DYRK1A: variants seen among roughly 807,000 people sequenced by gnomAD.
The protein encoded by DYRK1A is dual specificity tyrosine phosphorylation regulated kinase 1A.
DYRK1A carries 9 observed loss-of-function variants against 79.7 expected under a neutral mutation model. That is an observed-to-expected ratio of 0.11 (90% CI 0.07 to 0.20). DYRK1A has a LOEUF of 0.20. Ranked by LOEUF, DYRK1A falls within the 10% of genes least tolerant of loss-of-function variation. The pLI is 1.00. For synonymous variants in DYRK1A, 349 were observed against 329.7 expected (o/e 1.06, Z -0.63); for missense variants, 622 against 956.0 (o/e 0.65, Z 4.61).
intron 2 of DYRK1A, among the ~76,000 whole-genome samples, chr21:37,452,178 G>A (rs905479056): frequency 2.6e-5 from 4 of 151,504 alleles, no homozygotes; most frequent in African/African-American, 9.7e-5. Flanking sequence ...AACTTTGACA[G>A]CAGTAGGGGG....
chr21:37,488,805 A>T, intron 6 of DYRK1A: 2 of 985,318 alleles, frequency 2.0e-6, no homozygotes, highest in South Asian at 9.4e-5. Context: ...TTTTGCATTC[A>T]TTTAGTGGCA....
chr21:37,394,861 A>G (rs759037274), intron 1 of DYRK1A, among the ~76,000 whole-genome samples: 3 of 152,200 alleles, frequency 2.0e-5, no homozygotes, highest in Non-Finnish European at 4.4e-5. Context: ...CTGAATATGT[A>G]CTTGTGAAAT....
chr21:37,402,424 G>T (rs1266625196), intron 1 of DYRK1A, among the ~76,000 whole-genome samples: 3 of 152,218 alleles, frequency 2.0e-5, no homozygotes, highest in East Asian at 3.9e-4. Flanking sequence ...CACTTTAATG[G>T]TGTTCCATTG....
chr21:37,442,974 C>T (rs79584092), intron 2 of DYRK1A, among the ~76,000 whole-genome samples: 1,692 of 152,036 alleles, frequency 0.011, 29 homozygotes, highest in East Asian at 0.081. Context: ...GTAGCTGGGA[C>T]CTACAGGCAT....
chr21:37,406,184 C>T (rs1408604536), intron 1 of DYRK1A, among the ~76,000 whole-genome samples: 1 of 152,170 alleles, frequency 6.6e-6, no homozygotes, highest in Non-Finnish European at 1.5e-5. Context: ...TAACTTATCT[C>T]TGGCATACCG....
At chr21:37,472,292 GA>G (rs1317211247) in intron 2 of DYRK1A, among the ~76,000 whole-genome samples, 2 of 152,230 alleles carry the variant, frequency 1.3e-5, no homozygotes, top group Non-Finnish European at 2.9e-5. Flanking sequence ...TAGCATCTCA[GA>G]AATGTTCCTT....
At chr21:37,403,687 G>A (rs1314846366) in intron 1 of DYRK1A, among the ~76,000 whole-genome samples, 1 of 149,340 alleles carries the variant, frequency 6.7e-6, no homozygotes. Context: ...GTGTGTGTGT[G>A]TGTGTGTGTG....
intron 1 of DYRK1A, among the ~76,000 whole-genome samples, chr21:37,416,521 C>A (rs1285808513): frequency 6.6e-6 from 1 of 151,424 alleles, no homozygotes; most frequent in Non-Finnish European, 1.5e-5. Flanking sequence ...TTCTATTTTC[C>A]CTTTGACTCC....
intron 1 of DYRK1A, among the ~76,000 whole-genome samples, chr21:37,406,743 A>ATATCTCTG (rs2050152802): frequency 6.7e-6 from 1 of 148,328 alleles, no homozygotes; most frequent in South Asian, 2.1e-4. Flanking sequence ...ATATCTCTAT[A>ATATCTCTG]TATCTCTATA....
chr21:37,492,589 T>C (rs1297910461), intron 7 of DYRK1A, among the ~76,000 whole-genome samples: 5 of 152,220 alleles, frequency 3.3e-5, no homozygotes, highest in African/African-American at 4.8e-5. Flanking sequence ...TTACTTGACT[T>C]TTAACGCTGA....
chr21:37,387,560 CTCAA>C (rs1430142075), intron 1 of DYRK1A, among the ~76,000 whole-genome samples: 4 of 152,142 alleles, frequency 2.6e-5, no homozygotes, highest in African/African-American at 9.7e-5. Context: ...CTTATAGAGC[CTCAA>C]TCAAACTGCT....
intron 1 of DYRK1A, among the ~76,000 whole-genome samples, chr21:37,391,802 G>A (rs1196081516): frequency 1.3e-5 from 2 of 152,098 alleles, no homozygotes; most frequent in African/African-American, 2.4e-5. Context: ...TTTCCCACTC[G>A]TGTTAGGCTC....
intron 2 of DYRK1A, among the ~76,000 whole-genome samples, chr21:37,425,386 A>G (rs2050590334): frequency 6.6e-6 from 1 of 152,096 alleles, no homozygotes; most frequent in African/African-American, 2.4e-5. Flanking sequence ...ATTGCTTTTT[A>G]TGTTTCATAG....
intron 1 of DYRK1A, among the ~76,000 whole-genome samples, chr21:37,378,805 C>T (rs750874688): frequency 7.2e-5 from 11 of 152,056 alleles, no homozygotes; most frequent in East Asian, 1.9e-4. Flanking sequence ...AGACCATGGC[C>T]GTTAACAGTT....
rs962373797 is a variant in DYRK1A, at chr21:37,520,828, C to A, written c.*8297C>A. The stretch of plus-strand genomic sequence containing the variant: ...CCAGCAGGGGCTCCAGCGCTCACCG[C>A]TGGGTGAGATCTACAGGGCTCAGTG... On this transcript the variant is annotated 3_prime_UTR_variant, in exon 12 of 12. Transcript: ENST00000647188. The A allele has an allele frequency of 6.6e-6, 1 of 152,234 alleles. No homozygotes were observed. The highest frequency in any genetic ancestry group is 2.4e-5 in the African/African-American group (1 of 41,452). The allele number at this position is 152,234 out of a possible 1,614,324, so 9.4% of individuals were successfully genotyped here.
chr21:37,373,946 T>A (rs772974704), intron 1 of DYRK1A, among the ~76,000 whole-genome samples: 2 of 152,208 alleles, frequency 1.3e-5, no homozygotes, highest in Non-Finnish European at 2.9e-5. Flanking sequence ...ATAAGTTTAT[T>A]TTCTGTATTT....
chr21:37,407,146 G>T (rs1051139692), intron 1 of DYRK1A, among the ~76,000 whole-genome samples: 2 of 152,032 alleles, frequency 1.3e-5, no homozygotes, highest in Admixed American at 1.3e-4. Flanking sequence ...AATTCGAAGT[G>T]TTTGGGAGTA....
chr21:37,522,100 A>T lies in DYRK1A; in HGVS notation c.*9569A>T, dbSNP rs28550863. 6.6e-6 allele frequency: 1 copy of T among 152,164 alleles called. No homozygotes were observed. Among genetic ancestry groups the T allele is most frequent in the African/African-American group, 2.4e-5 (1 of 41,444 alleles). 9.4% of individuals were successfully genotyped at this position (152,164 alleles called of 1,614,324 possible). A position where few individuals can be genotyped will look rare whatever the true frequency, so the allele number is the denominator to read the frequency against. On this transcript the variant is annotated 3_prime_UTR_variant, in exon 12 of 12. Transcript: ENST00000647188. ...AATCTTGTATGTTCTAAAAATTAAC[A>T]TCATTGCAGCTTCCTCAGCCCTAGG...
At chr21:37,365,725 A>C (rs903530537), upstream of DYRK1A, 2 of 152,260 alleles carry the variant, frequency 1.3e-5, no homozygotes, top group Non-Finnish European at 2.9e-5. Context: ...GAAACCGAGA[A>C]GGTGTATAGA....
Sources: gnomAD v4.1 joint callset for allele counts (sites outside exome capture counted in the v4.1 genomes callset) on GRCh38, gnomAD v4.1.1 for gene constraint, MANE v1.5 for transcripts, NCBI Gene and HGNC (gene_info 2026-07-23, HGNC 2026-07-21) for gene names.